GMPR: variants seen among roughly 807,000 people sequenced by gnomAD.
The protein encoded by GMPR is guanosine monophosphate reductase, also known as GMP reductase 1.
In GMPR, 31 loss-of-function variants were observed where a neutral mutation model predicts 38.4. That is an observed-to-expected ratio of 0.81 (90% confidence interval 0.61 to 1.09). GMPR has a LOEUF of 1.09. GMPR is among the 50% of genes least tolerant of loss of function. The probability of loss-of-function intolerance (pLI) is 0.00; values close to 1 mark genes in which losing one functional copy is unlikely to be tolerated. For synonymous variants in GMPR, 162 were observed against 173.3 expected, an observed-to-expected ratio of 0.93 and a Z score of 0.51; for missense variants, 468 against 453.7, an observed-to-expected ratio of 1.03 and a Z score of -0.29.
chr6:16,285,630 C>T (rs778676503), intron 6 of GMPR, among the ~76,000 whole-genome samples, 163 bp from the exon 7 acceptor site: 3 of 152,216 alleles, frequency 2.0e-5, no homozygotes, highest in Admixed American at 1.3e-4. Context: ...GGGGAGTACA[C>T]TCGATCAGAC....
At chr6:16,275,053 C>T (rs759255737) in intron 5 of GMPR, among the ~76,000 whole-genome samples, 1 of 152,310 alleles carries the variant, frequency 6.6e-6, no homozygotes, top group Non-Finnish European at 1.5e-5. Context: ...CCATTGGCAT[C>T]TTAAGCAGAA....
At chr6:16,264,161 G>C (rs1185967711) in intron 4 of GMPR, among the ~76,000 whole-genome samples, 1 of 151,972 alleles carries the variant, frequency 6.6e-6, no homozygotes, top group Non-Finnish European at 1.5e-5. Flanking sequence ...TCCCTAGTCT[G>C]TGACCGGCGC....
At chr6:16,280,673 G>C (rs890623069) in intron 6 of GMPR, among the ~76,000 whole-genome samples, 1 of 152,172 alleles carries the variant, frequency 6.6e-6, no homozygotes, top group African/African-American at 2.4e-5. Flanking sequence ...TCTGAGTCTG[G>C]CTGCGTGAGG....
At chr6:16,274,334 C>T (rs1212447022) in intron 4 of GMPR, 81 bp from the exon 5 acceptor site, 3 of 892,492 alleles carry the variant, frequency 3.4e-6, no homozygotes, top group African/African-American at 1.6e-5. Context: ...CATGCACATC[C>T]TCGTGTTCAG....
At chr6:16,255,066 C>G (rs893192626) in intron 4 of GMPR, among the ~76,000 whole-genome samples, 3 of 151,142 alleles carry the variant, frequency 2.0e-5, no homozygotes, top group Admixed American at 2.0e-4. Flanking sequence ...GGCTGGAGTA[C>G]AGTGGGGTGA....
At chr6:16,244,210 CTTT>C (rs760576826) in intron 1 of GMPR, among the ~76,000 whole-genome samples, 9 of 118,730 alleles carry the variant, frequency 7.6e-5, no homozygotes, top group Admixed American at 8.5e-5. Flanking sequence ...TCTATTTGTA[CTTT>C]TTTTTTTTTT....
chr6:16,289,325 G>A (rs1379478846), intron 7 of GMPR, among the ~76,000 whole-genome samples: 2 of 152,212 alleles, frequency 1.3e-5, no homozygotes, highest in Non-Finnish European at 2.9e-5. Flanking sequence ...CACAGTAGCA[G>A]TTCCTTAGTT....
chr6:16,285,155 A>G (rs1759654984), intron 6 of GMPR, among the ~76,000 whole-genome samples: 1 of 151,966 alleles, frequency 6.6e-6, no homozygotes, highest in Non-Finnish European at 1.5e-5. Flanking sequence ...GCAGCCCAAG[A>G]TAACAGACTG....
chr6:16,271,127 G>A (rs578200672), intron 4 of GMPR, among the ~76,000 whole-genome samples: 1 of 152,294 alleles, frequency 6.6e-6, no homozygotes, highest in Non-Finnish European at 1.5e-5. Context: ...TTTATCTAAA[G>A]TAGCCCCTTA....
intron 7 of GMPR, among the ~76,000 whole-genome samples, chr6:16,289,277 C>T (rs1014139536): frequency 5.3e-5 from 8 of 152,192 alleles, no homozygotes; most frequent in South Asian, 2.1e-4. Context: ...TGGCTTCATT[C>T]TTGAAGTCAG....
At chr6:16,261,543 A>T (rs964032154) in intron 4 of GMPR, among the ~76,000 whole-genome samples, 1 of 152,124 alleles carries the variant, frequency 6.6e-6, no homozygotes, top group Non-Finnish European at 1.5e-5. Context: ...TGGGTTTGGC[A>T]CCATGGGGTG....
chr6:16,278,030 A>C lies in GMPR; in HGVS notation c.548-754A>C, dbSNP rs1172513124. Among the ~76,000 whole-genome samples the C allele has an allele frequency of 2.0e-5, 3 of 152,150 alleles. No individual in the cohort carries two copies. The South Asian group carries it at 6.2e-4, about 32-fold the overall frequency. On this transcript the variant is annotated intron_variant, in intron 5 of 8. Transcript: ENST00000259727. ...TGGCCTGGACCTAACTGGGAGAACA[A>C]CCAGGACTGGGGCTGACCGTGGGAC...
At chr6:16,272,687 A>C (rs985386024) in intron 4 of GMPR, among the ~76,000 whole-genome samples, 2 of 152,188 alleles carry the variant, frequency 1.3e-5, no homozygotes, top group Non-Finnish European at 2.9e-5. Flanking sequence ...GTGAGGTATT[A>C]GCGTTTTTCT....
chr6:16,238,707 A>T lies in GMPR; in HGVS notation c.14A>T (p.Asp5Val). Reference protein sequence around the residue: MPRIDADLKLDFKDV... With the variant: MPRIVADLKLDFKDV... ...AGCCGCTGCACCATGCCCCGCATAG[A>T]TGCGGACCTCAAGCTCGACTTCAAG... The change falls in exon 1 of 9, where the codon GAT (aspartate) becomes GTT (valine). Residue 5 changes from aspartate (D) to valine (V), a missense_variant. By Grantham distance (152) the Asp-to-Val change is radical. Transcript: ENST00000259727. 1 of 1,429,724 alleles carries T rather than the reference A, an allele frequency of 7.0e-7. No individual in the cohort carries two copies. The highest frequency in any genetic ancestry group is 9.3e-7 in the Non-Finnish European group (1 of 1,078,282). 88.6% of individuals were successfully genotyped at this position (1,429,724 alleles called of 1,614,324 possible).
At chr6:16,278,233 C>G (rs554366589) in intron 5 of GMPR, among the ~76,000 whole-genome samples, 2 of 152,232 alleles carry the variant, frequency 1.3e-5, no homozygotes, top group East Asian at 3.9e-4. Flanking sequence ...CAGGCCAGGC[C>G]CTGGGCCAAG....
rs1561818598 is a variant in GMPR at position 16,245,837 on chromosome 6, C to T, written c.88-1005C>T. 2.6e-5 allele frequency among the ~76,000 whole-genome samples: 4 copies of T among 152,192 alleles called. No homozygotes were observed. The South Asian group carries it at 8.3e-4, about 31-fold the overall frequency. ...GCTGGAACAAGGAATACGCAGGCCT[C>T]TCTGGTCGGAGGATCCAGGCCCGGA... On this transcript the variant is annotated intron_variant, in intron 1 of 8. Coordinates refer to ENST00000259727, the MANE Select transcript of GMPR (RefSeq NM_006877.4).
intron 5 of GMPR, among the ~76,000 whole-genome samples, chr6:16,277,663 G>A (rs991564589): frequency 6.6e-6 from 1 of 152,190 alleles, no homozygotes; most frequent in Non-Finnish European, 1.5e-5. Flanking sequence ...CGACCACCCA[G>A]TACAGAAGAC....
chr6:16,241,877 GATTACA>G (rs1758654530), intron 1 of GMPR, among the ~76,000 whole-genome samples: 1 of 152,116 alleles, frequency 6.6e-6, no homozygotes, highest in South Asian at 2.1e-4. Context: ...GAGAAGCTGG[GATTACA>G]GGCACCTACC....
At chr6:16,265,912 A>G (rs898331693) in intron 4 of GMPR, among the ~76,000 whole-genome samples, 6 of 152,176 alleles carry the variant, frequency 3.9e-5, no homozygotes, top group African/African-American at 1.4e-4. Context: ...AAAGATGTGC[A>G]GTTTCACTCC....
Sources: gnomAD v4.1 joint callset for allele counts (sites outside exome capture counted in the v4.1 genomes callset) on GRCh38, gnomAD v4.1.1 for gene constraint, MANE v1.5 for transcripts, NCBI Gene and HGNC (gene_info 2026-07-23, HGNC 2026-07-21) for gene names.